The following RBM33 variants were observed in gnomAD, a reference collection of about 807,000 sequenced individuals.
RBM33 encodes the protein RNA-binding protein 33.
Under a neutral mutation model 132.6 loss-of-function variants are expected in RBM33, and 28 were observed. The ratio of observed to expected loss-of-function variants is 0.21; its 90% CI spans 0.16 to 0.29. The LOEUF is 0.29. Among genes scored for constraint, RBM33 ranks in the 10% least tolerant of loss-of-function variants. The pLI is 1.00. For synonymous variants in RBM33, 634 were observed against 593.0 expected (o/e 1.07, Z -1.01); for missense variants, 1,291 against 1,518.5 (o/e 0.85, Z 2.49).
intron 15 of RBM33, among the ~76,000 whole-genome samples, chr7:155,764,963 TCAGTGATAACGC>T (rs1802164700): frequency 6.6e-6 from 1 of 152,236 alleles, no homozygotes; most frequent in African/African-American, 2.4e-5. Flanking sequence ...GTAGACAGAT[TCAGTGATAACGC>T]CAGTGTTAAA....
At chr7:155,717,949 A>G (rs1285803027) in intron 8 of RBM33, among the ~76,000 whole-genome samples, 1 of 152,138 alleles carries the variant, frequency 6.6e-6, no homozygotes, top group Non-Finnish European at 1.5e-5. Flanking sequence ...TGCCTGCCTC[A>G]CTTCCCTTCC....
At chr7:155,735,514 G>C (rs959342424) in intron 9 of RBM33, among the ~76,000 whole-genome samples, 3 of 151,780 alleles carry the variant, frequency 2.0e-5, no homozygotes, top group Non-Finnish European at 4.4e-5. Context: ...AGACCAACTT[G>C]GGCAACATAG....
At chr7:155,724,345 A>G (rs1396243382) in intron 9 of RBM33, among the ~76,000 whole-genome samples, 1 of 152,148 alleles carries the variant, frequency 6.6e-6, no homozygotes, top group African/African-American at 2.4e-5. Flanking sequence ...CCTGGGCAAC[A>G]TGGTGAAACC....
At chr7:155,673,768 G>GCACA (rs369116329) in intron 3 of RBM33, among the ~76,000 whole-genome samples, 16,100 of 132,850 alleles carry the variant, frequency 0.12, 1,439 homozygotes, top group East Asian at 0.22. Flanking sequence ...GCGCATGCGC[G>GCACA]CACACACACA....
At chr7:155,733,539 G>A (rs1585502704) in intron 9 of RBM33, among the ~76,000 whole-genome samples, 1 of 90,398 alleles carries the variant, frequency 1.1e-5, no homozygotes, top group Non-Finnish European at 2.2e-5. Context: ...CCCTGGTATC[G>A]ACAGTGGTGA....
chr7:155,752,441 A>G (rs1208930598), intron 14 of RBM33, among the ~76,000 whole-genome samples: 2 of 152,212 alleles, frequency 1.3e-5, no homozygotes, highest in African/African-American at 4.8e-5. Context: ...TTTTTGAATT[A>G]TTGTAGTTGA....
chr7:155,767,906 C>G (rs1209819528), intron 16 of RBM33, among the ~76,000 whole-genome samples: 1 of 152,236 alleles, frequency 6.6e-6, no homozygotes, highest in Non-Finnish European at 1.5e-5. Context: ...TTATCCTAAT[C>G]TGAGATTCTC....
intron 9 of RBM33, among the ~76,000 whole-genome samples, chr7:155,735,940 A>T (rs927731008): frequency 1.3e-5 from 2 of 152,194 alleles, no homozygotes; most frequent in Non-Finnish European, 2.9e-5. Context: ...AGGCAATAGT[A>T]TGCTGTGGAT....
intron 5 of RBM33, among the ~76,000 whole-genome samples, chr7:155,681,378 AG>A (rs1355887956): frequency 1.3e-5 from 2 of 152,186 alleles, no homozygotes; most frequent in African/African-American, 4.8e-5. Flanking sequence ...CTGAATAAAG[AG>A]ATTGGAGGTT....
chr7:155,743,390 G>C (rs2117034313), intron 13 of RBM33, among the ~76,000 whole-genome samples: 1 of 152,334 alleles, frequency 6.6e-6, no homozygotes, highest in South Asian at 2.1e-4. Context: ...TGCCTTTCAG[G>C]CATCCTGCTG....
At chr7:155,671,712 A>G (rs1798946477) in intron 2 of RBM33, among the ~76,000 whole-genome samples, 1 of 152,212 alleles carries the variant, frequency 6.6e-6, no homozygotes, top group South Asian at 2.1e-4. Flanking sequence ...ATATCGATGC[A>G]GTTAAATCTC....
intron 6 of RBM33, among the ~76,000 whole-genome samples, chr7:155,702,784 C>G (rs1007303772): frequency 6.6e-6 from 1 of 152,214 alleles, no homozygotes; most frequent in African/African-American, 2.4e-5. Context: ...ACTACTGCTT[C>G]TTTTGTTGGG....
chr7:155,756,867 A>G (rs980612938), intron 14 of RBM33, among the ~76,000 whole-genome samples: 1 of 152,094 alleles, frequency 6.6e-6, no homozygotes, highest in Non-Finnish European at 1.5e-5. Context: ...ATCAAAACCC[A>G]TATTTTCCTT....
chr7:155,763,697 T>C (rs1354847622), intron 14 of RBM33, 115 bp from the exon 15 acceptor site: 5 of 925,182 alleles, frequency 5.4e-6, no homozygotes, highest in East Asian at 2.6e-5. Flanking sequence ...TCACACTTGT[T>C]TGAAATGGTT....
intron 9 of RBM33, among the ~76,000 whole-genome samples, chr7:155,723,937 C>T (rs1315334370): frequency 3.9e-5 from 6 of 152,162 alleles, no homozygotes; most frequent in Non-Finnish European, 5.9e-5. Flanking sequence ...AAATCTGTTA[C>T]ATTGACTGGG....
intron 8 of RBM33, among the ~76,000 whole-genome samples, chr7:155,716,314 C>CTGTTTTTT (rs1563157897): frequency 2.3e-5 from 1 of 43,576 alleles, no homozygotes; most frequent in Non-Finnish European, 4.3e-5. Context: ...TCCTTTTCTG[C>CTGTTTTTT]TGTTTTTTTT....
At chr7:155,645,963 T>G (rs866601983) in intron 1 of RBM33, among the ~76,000 whole-genome samples, 4 of 152,202 alleles carry the variant, frequency 2.6e-5, no homozygotes, top group South Asian at 2.1e-4. Context: ...GGCAATTTGG[T>G]TTGCTATATG....
At chr7:155,746,606 A>G (rs919498914) in intron 14 of RBM33, 7 of 152,220 alleles carry the variant, frequency 4.6e-5, no homozygotes, top group Non-Finnish European at 8.8e-5. Context: ...ATTCTTCCAT[A>G]AAGAAGTGAT....
chr7:155,710,856 GT>G (rs1182283557), intron 7 of RBM33, among the ~76,000 whole-genome samples: 1 of 151,716 alleles, frequency 6.6e-6, no homozygotes, highest in Non-Finnish European at 1.5e-5. Flanking sequence ...CTGCTCTTCT[GT>G]CCCTGGCACA....
Sources: gnomAD v4.1 joint callset for allele counts (sites outside exome capture counted in the v4.1 genomes callset) on GRCh38, gnomAD v4.1.1 for gene constraint, MANE v1.5 for transcripts, NCBI Gene and HGNC (gene_info 2026-07-23, HGNC 2026-07-21) for gene names.